Variants in WDR7 observed in about 807,000 individuals in gnomAD.
The protein encoded by WDR7 is WD repeat domain 7, also known as WD repeat-containing protein 7.
In WDR7, 46 loss-of-function variants were observed where a neutral mutation model predicts 169.4. That is an observed-to-expected ratio of 0.27 (90% CI 0.21 to 0.35). WDR7 has a LOEUF of 0.35. WDR7 is among the 10% of genes least tolerant of loss of function. The pLI, the probability that WDR7 is intolerant of heterozygous loss-of-function variation, is 1.00. For missense variants in WDR7, 1,534 were observed against 1,859.3 expected, an observed-to-expected ratio of 0.83 and a Z score of 3.22; for synonymous variants, 612 against 666.8, an observed-to-expected ratio of 0.92 and a Z score of 1.27.
At chr18:56,733,112 A>C (rs968578792) in intron 14 of WDR7, among the ~76,000 whole-genome samples, 1 of 152,162 alleles carries the variant, frequency 6.6e-6, no homozygotes, top group African/African-American at 2.4e-5. Context: ...TTAGTGATAA[A>C]AGCACCAGAT....
rs181713709 is a variant in WDR7 at position 56,971,565 on chromosome 18, C to T, written c.4164+9036C>T. On this transcript the variant is annotated intron_variant, in intron 26 of 27. Transcript: ENST00000254442. Reference sequence around the variant, plus strand: ...GTGCACAACCTTTCAAGGAGGGCAGCCTGGAGTGATAGGGGAGAAAGCAAG... The same window carrying T: ...GTGCACAACCTTTCAAGGAGGGCAGTCTGGAGTGATAGGGGAGAAAGCAAG... Among the ~76,000 whole-genome samples the T allele has an allele frequency of 1.1e-3, 167 of 152,124 alleles. 1 individual carries two copies. The highest frequency in any genetic ancestry group is 2.7e-3 in the Admixed American group (41 of 15,288).
At chr18:56,941,794 C>T (rs1341965944) in intron 25 of WDR7, among the ~76,000 whole-genome samples, 2 of 152,158 alleles carry the variant, frequency 1.3e-5, no homozygotes, top group African/African-American at 4.8e-5. Context: ...GGTTTCCTCC[C>T]ACATCCCAAA....
intron 16 of WDR7, among the ~76,000 whole-genome samples, chr18:56,771,145 A>G (rs1299400074): frequency 2.0e-5 from 3 of 152,320 alleles, no homozygotes; most frequent in Admixed American, 1.3e-4. Flanking sequence ...AGAAATACCA[A>G]TACCACCAAA....
chr18:56,702,229 C>T (rs1049146311), intron 12 of WDR7, among the ~76,000 whole-genome samples: 2 of 152,238 alleles, frequency 1.3e-5, no homozygotes, highest in South Asian at 4.2e-4. Context: ...CCTTCCACCT[C>T]CCTCCCAGTT....
At chr18:56,929,823 T>C (rs1052106318) in intron 22 of WDR7, among the ~76,000 whole-genome samples, 13 of 152,228 alleles carry the variant, frequency 8.5e-5, no homozygotes, top group Non-Finnish European at 1.9e-4. Context: ...CATATAGTAT[T>C]AACCTTTTTA....
intron 26 of WDR7, among the ~76,000 whole-genome samples, chr18:56,964,098 G>A (rs1369204644): frequency 6.7e-6 from 1 of 148,856 alleles, no homozygotes; most frequent in Non-Finnish European, 1.5e-5. Flanking sequence ...ATGAGTGAGA[G>A]AACAACAGCT....
intron 22 of WDR7, among the ~76,000 whole-genome samples, chr18:56,925,102 A>G (rs2046786436): frequency 6.6e-6 from 1 of 152,206 alleles, no homozygotes; most frequent in African/African-American, 2.4e-5. Flanking sequence ...GTGGCATATC[A>G]TAGTGCTTTG....
At chr18:56,773,356 T>C (rs2044193571) in intron 16 of WDR7, among the ~76,000 whole-genome samples, 1 of 151,616 alleles carries the variant, frequency 6.6e-6, no homozygotes, top group African/African-American at 2.4e-5. Context: ...TTTTTTTTTA[T>C]CATTCATTAC....
intron 19 of WDR7, among the ~76,000 whole-genome samples, chr18:56,787,027 T>A (rs1027848468): frequency 3.3e-5 from 5 of 152,160 alleles, no homozygotes; most frequent in Admixed American, 2.0e-4. Context: ...AAGATAAATA[T>A]TATGAGTTGT....
chr18:56,760,849 C>A (rs2043970823), intron 16 of WDR7, among the ~76,000 whole-genome samples: 2 of 152,170 alleles, frequency 1.3e-5, no homozygotes, highest in African/African-American at 2.4e-5. Context: ...CTCTTATATA[C>A]AACTGATGAG....
intron 20 of WDR7, among the ~76,000 whole-genome samples, chr18:56,818,876 T>A (rs1171597536): frequency 6.6e-6 from 1 of 152,196 alleles, no homozygotes; most frequent in African/African-American, 2.4e-5. Flanking sequence ...GAGGAATTGT[T>A]CTAATATTTC....
intron 20 of WDR7, among the ~76,000 whole-genome samples, chr18:56,839,826 G>A (rs1256838717): frequency 4.6e-5 from 7 of 152,154 alleles, no homozygotes; most frequent in East Asian, 1.9e-4. Flanking sequence ...ATTTTGCAAG[G>A]CTGAGGCAGT....
chr18:56,843,911 G>A (rs1192680993), intron 20 of WDR7, among the ~76,000 whole-genome samples: 6 of 144,900 alleles, frequency 4.1e-5, no homozygotes, highest in African/African-American at 1.5e-4. Context: ...TGCCCAGGTT[G>A]GAGTGCAGTG....
chr18:56,953,398 C>T (rs2047209421), intron 25 of WDR7, among the ~76,000 whole-genome samples: 1 of 152,022 alleles, frequency 6.6e-6, no homozygotes, highest in South Asian at 2.1e-4. Flanking sequence ...AATCTTAGTA[C>T]CCAATTCCAA....
intron 12 of WDR7, among the ~76,000 whole-genome samples, chr18:56,700,706 A>G (rs2025814659): frequency 1.3e-5 from 2 of 148,506 alleles, no homozygotes; most frequent in Non-Finnish European, 3.0e-5. Context: ...AGTAGCTGGG[A>G]CTACAGGCGC....
chr18:56,894,017 A>AT (rs1162761552), intron 21 of WDR7, among the ~76,000 whole-genome samples: 2 of 151,854 alleles, frequency 1.3e-5, no homozygotes, highest in Non-Finnish European at 1.5e-5. Context: ...ATGCTTATTC[A>AT]TTTTTTCCAG....
chr18:56,940,476 C>T (rs990458342), intron 25 of WDR7, among the ~76,000 whole-genome samples: 2 of 152,100 alleles, frequency 1.3e-5, no homozygotes, highest in Admixed American at 6.5e-5. Flanking sequence ...CTGTAGCATA[C>T]CTGTTTACAG....
chr18:56,829,120 CAAAA>C (rs34184203), intron 20 of WDR7, among the ~76,000 whole-genome samples: 1 of 109,290 alleles, frequency 9.1e-6, no homozygotes, highest in Non-Finnish European at 1.9e-5. Flanking sequence ...TTCACCTCTC[CAAAA>C]AAAAAAAAAA....
chr18:56,828,754 C>T (rs926393972), intron 20 of WDR7, among the ~76,000 whole-genome samples: 2 of 151,922 alleles, frequency 1.3e-5, no homozygotes, highest in African/African-American at 4.8e-5. Context: ...CACGGTGTAC[C>T]ACAGCAAAAT....
Sources: allele counts gnomAD v4.1 joint callset (sites outside exome capture counted in the v4.1 genomes callset), GRCh38; gene constraint gnomAD v4.1.1; transcripts MANE v1.5; gene names NCBI Gene and HGNC (gene_info 2026-07-23, HGNC 2026-07-21).